Variants in POLR1B observed in about 807,000 individuals in gnomAD.
POLR1B encodes DNA-directed RNA polymerase I subunit RPA2.
In POLR1B, 30 loss-of-function variants were observed where a neutral mutation model predicts 105.8. That is an observed-to-expected ratio of 0.28 (90% CI 0.21 to 0.38). The LOEUF (loss-of-function observed/expected upper bound fraction) is 0.38. POLR1B is among the 10% of genes least tolerant of loss of function. POLR1B has a pLI of 1.00. For missense variants in POLR1B, 976 were observed against 1,435.8 expected (o/e 0.68, Z 5.17); for synonymous variants, 485 against 505.1 (o/e 0.96, Z 0.53).
At position 112,577,839 on chromosome 2, in the gene POLR1B, A is replaced by G. The variant is rs1479327111; in HGVS notation, c.*2110A>G. 6.6e-6 allele frequency among the ~76,000 whole-genome samples: 1 copy of G among 151,830 alleles called. No homozygotes were observed. Among genetic ancestry groups the G allele is most frequent in the Non-Finnish European group, 1.5e-5 (1 of 67,936 alleles). On this transcript the variant is annotated 3_prime_UTR_variant, in exon 15 of 15. Coordinates refer to ENST00000263331, the MANE Select transcript of POLR1B (RefSeq NM_019014.6). ...AGAATGAGACCCTGTCTCAAAAAAA[A>G]AAAAAAAAAAAAAGCGGGGAGGCAT...
chr2:112,573,027 A>G (rs566274889), intron 13 of POLR1B, among the ~76,000 whole-genome samples: 1 of 152,300 alleles, frequency 6.6e-6, no homozygotes, highest in African/African-American at 2.4e-5. Flanking sequence ...TCTACCTTTT[A>G]TATTTAAGTA....
Position 112,574,781 on chromosome 2 carries a change from T to A in POLR1B, c.2526-66T>A, listed in dbSNP as rs142249432. On this transcript the variant is annotated intron_variant, in intron 14 of 14. Coordinates refer to ENST00000263331, the MANE Select transcript of POLR1B (RefSeq NM_019014.6). ...TATCCTTTATGAAGCACTAATTATATCAATGAAACTTATCTCCATAAGTTA... is the reference window on the plus strand; with the variant it reads ...TATCCTTTATGAAGCACTAATTATAACAATGAAACTTATCTCCATAAGTTA... The A allele has an allele frequency of 1.5e-4, 175 of 1,185,118 alleles. No homozygotes were observed. The East Asian group carries it at 3.5e-3, about 24-fold the overall frequency. The allele number at this position is 1,185,118 out of a possible 1,614,324, so 73.4% of individuals were successfully genotyped here. A position where few individuals can be genotyped will look rare whatever the true frequency, so the allele number is the denominator to read the frequency against.
At position 112,542,590 on chromosome 2, in the gene POLR1B, G is replaced by A. The variant is rs1466661511; in HGVS notation, c.96G>A (p.Lys32=). 1 of 1,614,204 alleles carries A rather than the reference G, an allele frequency of 6.2e-7. No homozygotes were observed. The highest frequency in any genetic ancestry group is 1.3e-5 in the African/African-American group (1 of 75,070). ...ATGGAATCCCGCGGGAACAGCAAAAGGCAGCGTTGCAGGAGCTGACGCGGG... is the reference window on the plus strand; with the variant it reads ...ATGGAATCCCGCGGGAACAGCAAAAAGCAGCGTTGCAGGAGCTGACGCGGG... ...PSYGIPREQQ[K]AALQELTRAH... is the part of the protein sequence containing the mutation. Residue 32 remains lysine (K), a synonymous_variant, in exon 1 of 15, where the codon AAG becomes AAA. Transcript: ENST00000263331.
Position 112,542,573 on chromosome 2 carries a change from C to T in POLR1B, c.79C>T (p.Pro27Ser). 3 of 1,614,200 alleles carry T rather than the reference C, an allele frequency of 1.9e-6. No individual in the cohort carries two copies. The highest frequency in any genetic ancestry group is 2.5e-6 in the Non-Finnish European group (3 of 1,180,042). The part of the protein sequence containing the change: ...KHLTDPSYGI[P>S]REQQKAALQE... ...CTTGACTGACCCCTCTTATGGAATCCCGCGGGAACAGCAAAAGGCAGCGTT... is the reference window on the plus strand; with the variant it reads ...CTTGACTGACCCCTCTTATGGAATCTCGCGGGAACAGCAAAAGGCAGCGTT... The change falls in exon 1 of 15, where the codon CCG becomes TCG. Residue 27 changes from proline (P) to serine (S), a missense_variant. Pro to Ser is a moderately conservative substitution (Grantham distance 74). Around this residue, in one of 12 missense-constraint regions of POLR1B, gnomAD observed 452 missense variants for 616.5 expected, o/e 0.73. Transcript: ENST00000263331.
chr2:112,549,311 C>G lies in POLR1B; in HGVS notation c.537C>G (p.Ile179Met), dbSNP rs1018112063. The G allele has an allele frequency of 1.9e-6, 3 of 1,613,278 alleles. No individual in the cohort carries two copies. Among genetic ancestry groups the G allele is most frequent in the East Asian group, 2.2e-5 (1 of 44,872 alleles). ...YFIINGIEKV[I>M]RMLIMPRRNF... ...TAATCAATGGCATTGAAAAAGTCAT[C>G]CGAATGTTGATTATGCCTCGGAGAA... The change falls in exon 4 of 15, where the codon ATC becomes ATG. Residue 179 changes from isoleucine to methionine, a missense_variant. Transcript: ENST00000263331.
chr2:112,542,416 G>A (rs769542609), upstream of POLR1B: 43 of 1,612,196 alleles, frequency 2.7e-5, no homozygotes, highest in Admixed American at 3.3e-5. Context: ...CGGGACTGCG[G>A]CCACTACTTC....
At chr2:112,557,423 G>C (rs954119259) in intron 7 of POLR1B, among the ~76,000 whole-genome samples, 4 of 152,178 alleles carry the variant, frequency 2.6e-5, no homozygotes, top group Admixed American at 6.5e-5. Flanking sequence ...CAAGTATAAT[G>C]GGTGAAGGAG....
intron 1 of POLR1B, 105 bp downstream of exon 1, chr2:112,542,776 AC>A: frequency 7.0e-7 from 1 of 1,421,476 alleles, no homozygotes. Flanking sequence ...CTTGATCCTG[AC>A]AGGCTTGGTG....
chr2:112,566,116 AG>A (rs1349867672), intron 10 of POLR1B, among the ~76,000 whole-genome samples: 1 of 152,052 alleles, frequency 6.6e-6, no homozygotes, highest in Non-Finnish European at 1.5e-5. Flanking sequence ...GGCCTCCCGA[AG>A]TGCTGGGAAT....
rs906475366 is a variant in POLR1B, at chr2:112,576,738, G to T, written c.*1009G>T. 6.6e-6 allele frequency: 1 copy of T among 152,112 alleles called. No individual in the cohort carries two copies. The highest frequency in any genetic ancestry group is 2.1e-4 in the South Asian group (1 of 4,824). The allele number at this position is 152,112 out of a possible 1,614,324, so 9.4% of individuals were successfully genotyped here. On this transcript the variant is annotated 3_prime_UTR_variant, in exon 15 of 15. Transcript: ENST00000263331. ...AGGTGGGAGGATCATTTGAGTGCAG[G>T]AGTTCAAGGACAGCCTGGGTAATAT...
rs1292979185 is a variant in POLR1B, at chr2:112,547,054, T to A, written c.220T>A (p.Ser74Thr). ...ATTTGCTTTCAAAGATGAGCGTATC[T>A]CTTTTACTATTCTGGATGCTGTTAT... The part of the protein sequence containing the change: ...FEFAFKDERI[S>T]FTILDAVISP... Residue 74 changes from serine to threonine, a missense_variant, in exon 2 of 15, where the codon TCT becomes ACT. Ser to Thr is a moderately conservative substitution (Grantham distance 58). Transcript: ENST00000263331. 1 of 1,614,084 alleles carries A rather than the reference T, an allele frequency of 6.2e-7. No individual in the cohort carries two copies. Among genetic ancestry groups the A allele is most frequent in the Non-Finnish European group, 8.5e-7 (1 of 1,180,034 alleles).
rs1684823108 is a variant in POLR1B, at chr2:112,575,558, A to G, written c.3237A>G (p.Pro1079=). Reference sequence around the variant, plus strand: ...TGAAGTGTGGCAGTTTACTCTCTCCACTGTTGGAGAAGCCACCCCCTTCTT... The same window carrying G: ...TGAAGTGTGGCAGTTTACTCTCTCCGCTGTTGGAGAAGCCACCCCCTTCTT... ...VCVKCGSLLS[P]LLEKPPPSWS... is the part of the protein sequence containing the mutation. Residue 1079 remains proline, a synonymous_variant, in exon 15 of 15, where the codon CCA becomes CCG. Coordinates refer to ENST00000263331, the MANE Select transcript of POLR1B (RefSeq NM_019014.6). This position sits in a 1 kb window ranked among gnomAD's most constrained non-coding sequence, Gnocchi z 5.3. 5 of 1,613,942 alleles carry G rather than the reference A, an allele frequency of 3.1e-6. No individual in the cohort carries two copies. The South Asian group carries it at 4.4e-5, about 14-fold the overall frequency.
At chr2:112,552,572 C>A (rs1226995971) in intron 6 of POLR1B, 73 bp from the exon 7 acceptor site, 2 of 1,376,020 alleles carry the variant, frequency 1.5e-6, no homozygotes, top group African/African-American at 3.0e-5. Context: ...AGTTGGGGAT[C>A]TTGGTTAATA....
rs546818945 is a variant in POLR1B, at chr2:112,568,630, A to G, written c.1918-116A>G. The G allele has an allele frequency of 2.2e-5, 26 of 1,185,164 alleles. 1 individual carries two copies. The highest frequency in any genetic ancestry group is 3.1e-5 in the Non-Finnish European group (26 of 833,446). The allele number at this position is 1,185,164 out of a possible 1,614,324, so 73.4% of individuals were successfully genotyped here. ...CCAGTTGATCCCTTCAGCACTCATG[A>G]TGCTGGGTGGGGATGGTTTTCTCTT... On this transcript the variant is annotated intron_variant, in intron 11 of 14. Coordinates refer to ENST00000263331, the MANE Select transcript of POLR1B (RefSeq NM_019014.6).
In POLR1B at chr2:112,577,516, T is replaced by A. The variant is rs2104589197; in HGVS notation, c.*1787T>A. ...GTGAGCCAAGATTGTGCCACTGCAC[T>A]CCAGCCTGGGTGACAGAGCAGGACC... On this transcript the variant is annotated 3_prime_UTR_variant, in exon 15 of 15. Transcript: ENST00000263331. Among the ~76,000 whole-genome samples the A allele has an allele frequency of 6.6e-6, 1 of 152,140 alleles. No individual in the cohort carries two copies. The highest frequency in any genetic ancestry group is 2.1e-4 in the South Asian group (1 of 4,822).
At position 112,575,511 on chromosome 2, in the gene POLR1B, C is replaced by T. The variant is rs746031408; in HGVS notation, c.3190C>T (p.Arg1064Trp). 3.1e-6 allele frequency: 5 copies of T among 1,614,160 alleles called. No individual in the cohort carries two copies. The highest frequency in any genetic ancestry group is 1.1e-5 in the South Asian group (1 of 91,080). The part of the protein sequence containing the change: ...LHDRLFNCSD[R>W]SVAHVCVKCG... ...TGACCGCCTCTTCAACTGCTCAGATCGGTCGGTAGCCCATGTGTGTGTGAA... is the reference window on the plus strand; with the variant it reads ...TGACCGCCTCTTCAACTGCTCAGATTGGTCGGTAGCCCATGTGTGTGTGAA... Residue 1064 changes from arginine (R) to tryptophan (W), a missense_variant, in exon 15 of 15, where the codon CGG (arginine) becomes TGG (tryptophan). Physicochemically the swap from Arg to Trp is moderately radical, Grantham distance 101. Transcript: ENST00000263331. The surrounding 1 kb of genome is among the most constrained non-coding windows in gnomAD (Gnocchi z 5.3).
At chr2:112,569,893 C>T (rs1684504841) in intron 12 of POLR1B, among the ~76,000 whole-genome samples, 2 of 152,014 alleles carry the variant, frequency 1.3e-5, no homozygotes, top group African/African-American at 2.4e-5. Flanking sequence ...AATTAAATTG[C>T]TAAACTCTTC....
At position 112,559,309 on chromosome 2, in the gene POLR1B, A is replaced by G. The variant is rs1213818640; in HGVS notation, c.1347A>G (p.Gln449=). 6.2e-7 allele frequency: 1 copy of G among 1,614,020 alleles called. No individual in the cohort carries two copies. Among genetic ancestry groups the G allele is most frequent in the South Asian group, 1.1e-5 (1 of 91,082 alleles). The change falls in exon 9 of 15, where the codon CAA becomes CAG. Residue 449 remains glutamine (Q), a synonymous_variant. Transcript: ENST00000263331. Reference sequence around the variant, plus strand: ...TTTATTAAGGTCTTGGCCTCCTACAAGATTCTGGACTTTGTGTTGTGGCTG... The same window carrying G: ...TTTATTAAGGTCTTGGCCTCCTACAGGATTCTGGACTTTGTGTTGTGGCTG... ...LRSKTGLGLL[Q]DSGLCVVADK...
chr2:112,542,923 G>A (rs1033239929), intron 1 of POLR1B: 11 of 588,728 alleles, frequency 1.9e-5, no homozygotes, highest in Middle Eastern at 4.5e-4. Flanking sequence ...GGACAGTTTC[G>A]GGGTGCTGTG....
Sources: allele counts gnomAD v4.1 joint callset (sites outside exome capture counted in the v4.1 genomes callset), GRCh38; gene constraint gnomAD v4.1.1; regional missense constraint gnomAD v4.1.1; non-coding constraint Gnocchi (gnomAD v3.1); transcripts MANE v1.5; gene names NCBI Gene and HGNC (gene_info 2026-07-23, HGNC 2026-07-21).